TRDN: variants seen among roughly 807,000 people sequenced by gnomAD.
TRDN encodes triadin.
Under a neutral mutation model 149.7 loss-of-function variants are expected in TRDN, and 161 were observed. That is an observed-to-expected ratio of 1.08 (90% confidence interval 0.95 to 1.23). TRDN has a LOEUF of 1.23. Among genes scored for constraint, TRDN ranks in the 50% most tolerant of loss-of-function variants. TRDN has a pLI of 0.00. For missense variants in TRDN, 896 were observed against 823.5 expected (o/e 1.09, Z -1.08); for synonymous variants, 294 against 250.5 (o/e 1.17, Z -1.64).
intron 38 of TRDN, among the ~76,000 whole-genome samples, chr6:123,231,833 T>C (rs917088895): frequency 5.3e-5 from 8 of 151,940 alleles, no homozygotes; most frequent in African/African-American, 1.7e-4. Flanking sequence ...GTAATACTGA[T>C]TGGTCAAAGT....
At chr6:123,634,224 A>G (rs539826124) in intron 1 of TRDN, among the ~76,000 whole-genome samples, 1 of 152,038 alleles carries the variant, frequency 6.6e-6, no homozygotes, top group African/African-American at 2.4e-5. Context: ...GCTTGAGGCC[A>G]GTAGTTAAGT....
chr6:123,269,348 A>C (rs1039312476), intron 31 of TRDN, among the ~76,000 whole-genome samples: 1 of 152,080 alleles, frequency 6.6e-6, no homozygotes, highest in Non-Finnish European at 1.5e-5. Context: ...TCTAAATGCC[A>C]AAGTTACCTA....
chr6:123,358,584 C>T (rs1780778902), intron 20 of TRDN, among the ~76,000 whole-genome samples: 1 of 152,060 alleles, frequency 6.6e-6, no homozygotes, highest in Admixed American at 6.6e-5. Context: ...CCTGCCTTAG[C>T]CTCCCGAGTA....
At chr6:123,414,063 C>T (rs1313219234) in intron 12 of TRDN, among the ~76,000 whole-genome samples, 2 of 152,092 alleles carry the variant, frequency 1.3e-5, no homozygotes, top group Non-Finnish European at 2.9e-5. Context: ...ACACATGCAT[C>T]AAGCCTGCAC....
chr6:123,561,891 C>T (rs1782022101), intron 2 of TRDN, among the ~76,000 whole-genome samples: 1 of 151,986 alleles, frequency 6.6e-6, no homozygotes, highest in South Asian at 2.1e-4. Flanking sequence ...GTCGCCCCAA[C>T]ACTTTACCAC....
chr6:123,523,130 C>T (rs1040060823), intron 5 of TRDN, among the ~76,000 whole-genome samples: 1 of 152,116 alleles, frequency 6.6e-6, no homozygotes, highest in African/African-American at 2.4e-5. Context: ...CAGTGAAGAA[C>T]AGCAGTGGGG....
intron 20 of TRDN, among the ~76,000 whole-genome samples, chr6:123,357,744 A>G (rs184782230): frequency 2.0e-5 from 3 of 152,288 alleles, no homozygotes; most frequent in East Asian, 3.9e-4. Context: ...AGTTATTTTA[A>G]TTGAATCCCC....
Position 123,486,253 on chromosome 6 carries a change from CT to C in TRDN, c.853+10939del, listed in dbSNP as rs574124381. The stretch of plus-strand genomic sequence containing the variant: ...GTTTTGGGTTCTCTTGGTGTAACTT[CT>C]TTTTTTTTTTTTAACCACTGTTGAA... On this transcript the variant is annotated intron_variant, in intron 9 of 40. Transcript: ENST00000334268. 7.0e-3 allele frequency among the ~76,000 whole-genome samples: 985 copies of C among 141,596 alleles called. 8 individuals carry two copies. Among genetic ancestry groups the C allele is most frequent in the African/African-American group, 0.017 (657 of 38,594 alleles). 92.9% of individuals were successfully genotyped at this position (141,596 alleles called of 152,430 possible). A position where few individuals can be genotyped will look rare whatever the true frequency, so the allele number is the denominator to read the frequency against.
intron 6 of TRDN, among the ~76,000 whole-genome samples, chr6:123,515,544 T>G (rs2114869201): frequency 6.7e-6 from 1 of 150,176 alleles, no homozygotes; most frequent in African/African-American, 2.4e-5. Context: ...CTAGATTTTG[T>G]GTAAAAATAG....
At chr6:123,278,254 G>T in intron 26 of TRDN, 64 bp downstream of exon 26, 1 of 1,099,930 alleles carries the variant, frequency 9.1e-7, no homozygotes, top group South Asian at 1.6e-5. Flanking sequence ...CATTTGCAAA[G>T]AGATATTGTG....
At chr6:123,302,273 C>T (rs180889229) in intron 24 of TRDN, among the ~76,000 whole-genome samples, 1 of 152,036 alleles carries the variant, frequency 6.6e-6, no homozygotes, top group African/African-American at 2.4e-5. Context: ...AAGTCATTCA[C>T]CCATTATGTA....
chr6:123,274,669 C>T lies in TRDN; in HGVS notation c.1569G>A (p.Glu523=), dbSNP rs1395279008. 1 of 1,607,392 alleles carries T rather than the reference C, an allele frequency of 6.2e-7. No individual in the cohort carries two copies. Among genetic ancestry groups the T allele is most frequent in the Non-Finnish European group, 8.5e-7 (1 of 1,176,492 alleles). Residue 523 remains glutamate (E), a splice_region_variant and synonymous_variant, in exon 27 of 41, where the codon GAG becomes GAA. Transcript: ENST00000334268. ...QLQGKKEEKP[E]PQIKKEAKPA... is the part of the protein sequence containing the mutation. Reference sequence around the variant, plus strand: ...GTTTTGCTTCTTTTTTAATTTGGGGCTCTGAGGGAGAGAAAAGGCAGAAAA... The same window carrying T: ...GTTTTGCTTCTTTTTTAATTTGGGGTTCTGAGGGAGAGAAAAGGCAGAAAA...
chr6:123,256,482 C>G (rs1175182708), intron 35 of TRDN, among the ~76,000 whole-genome samples: 1 of 152,160 alleles, frequency 6.6e-6, no homozygotes, highest in African/African-American at 2.4e-5. Context: ...TCCACATCAT[C>G]TCCAGCATCT....
At position 123,306,836 on chromosome 6, in the gene TRDN, A is replaced by G. The variant is rs190196331; in HGVS notation, c.1510+9621T>C. On this transcript the variant is annotated intron_variant, in intron 24 of 40. Coordinates refer to ENST00000334268, the MANE Select transcript of TRDN (RefSeq NM_006073.4). ...ATGAAATTTAGAAAATTGTCTTTAT[A>G]TCTTTATTTTTACTTCAAATGCATG... is the stretch of plus-strand genomic sequence containing the variant. Among the ~76,000 whole-genome samples, 40 of 152,182 alleles carry G rather than the reference A, an allele frequency of 2.6e-4. No homozygotes were observed. In the East Asian group the frequency reaches 6.2e-3, roughly 24 times the overall value.
rs1330982343 is a variant in TRDN, at chr6:123,380,716, T to G, written c.1186+654A>C. Among the ~76,000 whole-genome samples, 51 of 127,460 alleles carry G rather than the reference T, an allele frequency of 4.0e-4. 1 individual carries two copies. The highest frequency in any genetic ancestry group is 1.4e-3 in the African/African-American group (48 of 33,186). The allele number at this position is 127,460 out of a possible 152,430, so 83.6% of individuals were successfully genotyped here. ...TAGTGTATTGAATAAGTTCAAGGGT[T>G]TTTTTTTTTTTTGCTTTCTTTTGTT... On this transcript the variant is annotated intron_variant, in intron 16 of 40. Coordinates refer to ENST00000334268, the MANE Select transcript of TRDN (RefSeq NM_006073.4).
intron 5 of TRDN, among the ~76,000 whole-genome samples, chr6:123,524,513 A>AT (rs773673407): frequency 5.3e-5 from 8 of 152,172 alleles, no homozygotes; most frequent in Admixed American, 2.0e-4. Flanking sequence ...TTAAAGATGC[A>AT]TTTTTAATGA....
At chr6:123,499,912 A>G (rs1778626443) in intron 8 of TRDN, among the ~76,000 whole-genome samples, 1 of 151,024 alleles carries the variant, frequency 6.6e-6, no homozygotes, top group African/African-American at 2.4e-5. Context: ...GGATGTGTAT[A>G]GGTTATATGC....
At chr6:123,338,301 T>C (rs952463867) in intron 21 of TRDN, among the ~76,000 whole-genome samples, 1 of 151,952 alleles carries the variant, frequency 6.6e-6, no homozygotes, top group African/African-American at 2.4e-5. Context: ...AGAGAGAGAA[T>C]GGGAGGCCTG....
In TRDN at chr6:123,260,636, C is replaced by G; in HGVS notation, c.1807G>C (p.Gly603Arg). The G allele has an allele frequency of 9.1e-7, 1 of 1,102,910 alleles. No individual in the cohort carries two copies. The allele number at this position is 1,102,910 out of a possible 1,614,324, so 68.3% of individuals were successfully genotyped here. Residue 603 changes from glycine to arginine, a missense_variant and splice_region_variant, in exon 34 of 41, where the codon GGA (glycine) becomes CGA (arginine). By Grantham distance (125) the Gly-to-Arg change is moderately radical. Transcript: ENST00000334268. ...KTDKPKPTPK[G>R]TSEVTESGKK... ...CCTGATTCTGTGACTTCTGATGTTC[C>G]TTCTTTAGAAAAAAAAAAAAAAAGA... is the stretch of plus-strand genomic sequence containing the variant.
Sources: allele counts gnomAD v4.1 joint callset (sites outside exome capture counted in the v4.1 genomes callset), GRCh38; gene constraint gnomAD v4.1.1; transcripts MANE v1.5; gene names NCBI Gene and HGNC (gene_info 2026-07-23, HGNC 2026-07-21).